Variants in JARID2 observed in about 807,000 individuals in gnomAD.
JARID2 encodes the protein protein Jumonji.
Under a neutral mutation model 125.6 loss-of-function variants are expected in JARID2, and 21 were observed. That is an observed-to-expected ratio of 0.17 (90% CI 0.12 to 0.24). The LOEUF is 0.24. JARID2 is among the 10% of genes least tolerant of loss of function. The pLI is 1.00. For missense variants in JARID2, 1,303 were observed against 1,639.6 expected (o/e 0.79, Z 3.55); for synonymous variants, 736 against 661.6 (o/e 1.11, Z -1.73).
At chr6:15,332,521 G>A (rs1762741763) in intron 1 of JARID2, among the ~76,000 whole-genome samples, 2 of 152,156 alleles carry the variant, frequency 1.3e-5, no homozygotes, top group Non-Finnish European at 2.9e-5. Context: ...TAACTTCCCT[G>A]TATTTCTGAA....
chr6:15,508,404 A>G lies in JARID2; in HGVS notation c.2796A>G (p.Gln932=). 1 of 1,611,748 alleles carries G rather than the reference A, an allele frequency of 6.2e-7. No individual in the cohort carries two copies. Among genetic ancestry groups the G allele is most frequent in the Non-Finnish European group, 8.5e-7 (1 of 1,177,738 alleles). Reference sequence around the variant, plus strand: ...CTACCTCATGCTGGTCTCGAGACCAAAATCACCTTCCATACATTGACTACT... The same window carrying G: ...CTACCTCATGCTGGTCTCGAGACCAGAATCACCTTCCATACATTGACTACT... ...VFSTSCWSRD[Q]NHLPYIDYLH... The change falls in exon 12 of 18, where the codon CAA becomes CAG. Residue 932 remains glutamine (Q), a synonymous_variant. Coordinates refer to ENST00000341776, the MANE Select transcript of JARID2 (RefSeq NM_004973.4).
At chr6:15,475,506 T>C (rs1769296410) in intron 5 of JARID2, among the ~76,000 whole-genome samples, 1 of 152,216 alleles carries the variant, frequency 6.6e-6, no homozygotes, top group Admixed American at 6.5e-5. Flanking sequence ...TTCTCTTGCA[T>C]AATCGCCTAC....
At chr6:15,291,085 A>G (rs1335444186) in intron 1 of JARID2, among the ~76,000 whole-genome samples, 2 of 152,200 alleles carry the variant, frequency 1.3e-5, no homozygotes, top group Non-Finnish European at 2.9e-5. Context: ...AATTAAAAAA[A>G]ATTAATCAGC....
chr6:15,508,875 A>G, intron 12 of JARID2: 1 of 977,344 alleles, frequency 1.0e-6, no homozygotes, highest in South Asian at 1.5e-5. Flanking sequence ...TAAAAGTGCC[A>G]CACAAAGCTA....
chr6:15,247,871 A>G, intron 1 of JARID2: 1 of 985,460 alleles, frequency 1.0e-6, no homozygotes, highest in African/African-American at 1.7e-5. Context: ...AGGGCTGGGT[A>G]GAATGCAAAG....
chr6:15,261,412 G>A (rs1378364168), intron 1 of JARID2, among the ~76,000 whole-genome samples: 2 of 150,388 alleles, frequency 1.3e-5, no homozygotes, highest in Non-Finnish European at 2.9e-5. Flanking sequence ...CTACCTCCCA[G>A]GTTCAAGCGC....
At chr6:15,421,440 T>C (rs918692067) in intron 3 of JARID2, among the ~76,000 whole-genome samples, 2 of 150,844 alleles carry the variant, frequency 1.3e-5, no homozygotes, top group Admixed American at 1.3e-4. Flanking sequence ...ACAGCGTAAG[T>C]AAGCCCTGAC....
chr6:15,271,845 T>C (rs1337862474), intron 1 of JARID2, among the ~76,000 whole-genome samples: 1 of 151,940 alleles, frequency 6.6e-6, no homozygotes, highest in Non-Finnish European at 1.5e-5. Context: ...ACTAAAAATA[T>C]AAAAAGTAGC....
At chr6:15,441,518 C>G (rs1767444440) in intron 3 of JARID2, among the ~76,000 whole-genome samples, 1 of 152,146 alleles carries the variant, frequency 6.6e-6, no homozygotes, top group Non-Finnish European at 1.5e-5. Context: ...GATCCCTTTT[C>G]TATTTGTTAC....
intron 6 of JARID2, among the ~76,000 whole-genome samples, chr6:15,489,943 T>A (rs1004115915): frequency 3.9e-5 from 6 of 152,220 alleles, no homozygotes; most frequent in Admixed American, 1.3e-4. Context: ...GGCTCCAGAT[T>A]CTAATTTGGC....
At chr6:15,506,563 T>C (rs921765893) in intron 9 of JARID2, among the ~76,000 whole-genome samples, 7 of 152,036 alleles carry the variant, frequency 4.6e-5, no homozygotes, top group Non-Finnish European at 1.0e-4. Flanking sequence ...GCTTCTGGAG[T>C]GATCACTGAG....
At chr6:15,403,664 G>C (rs1765530594) in intron 2 of JARID2, among the ~76,000 whole-genome samples, 1 of 152,102 alleles carries the variant, frequency 6.6e-6, no homozygotes, top group Non-Finnish European at 1.5e-5. Flanking sequence ...CACTGTGTCA[G>C]GTCTTAGTAT....
intron 2 of JARID2, among the ~76,000 whole-genome samples, chr6:15,401,317 G>T (rs1415772957): frequency 6.6e-6 from 1 of 152,186 alleles, no homozygotes; most frequent in South Asian, 2.1e-4. Context: ...AAAGCATTAA[G>T]CTCTGTTGAC....
chr6:15,478,845 C>CT (rs1421030603), intron 5 of JARID2, among the ~76,000 whole-genome samples: 1 of 151,814 alleles, frequency 6.6e-6, no homozygotes, highest in Non-Finnish European at 1.5e-5. Context: ...AATTTTTCTA[C>CT]TTTTAGTAGA....
rs1254789532 is a variant in JARID2 at position 15,496,312 on chromosome 6, A to G, written c.1087A>G (p.Asn363Asp). The change falls in exon 7 of 18, where the codon AAT becomes GAT. Residue 363 changes from asparagine to aspartate, a missense_variant. By Grantham distance (23) the Asn-to-Asp change is conservative. Transcript: ENST00000341776. The stretch of plus-strand genomic sequence containing the variant: ...AGAACTGGTCAAGGACACCAAACCC[A>G]ATCACCACAAGCCCAGTTCCGCTGT... ...KRELVKDTKP[N>D]HHKPSSAVNH... 2 of 1,614,210 alleles carry G rather than the reference A, an allele frequency of 1.2e-6. No homozygotes were observed. The highest frequency in any genetic ancestry group is 8.5e-7 in the Non-Finnish European group (1 of 1,180,044).
At chr6:15,407,116 G>C (rs1035238127) in intron 2 of JARID2, among the ~76,000 whole-genome samples, 1 of 152,028 alleles carries the variant, frequency 6.6e-6, no homozygotes, top group Non-Finnish European at 1.5e-5. Flanking sequence ...AAAAAAATTA[G>C]TGGGGCATGG....
chr6:15,319,368 C>CT (rs1278553529), intron 1 of JARID2, among the ~76,000 whole-genome samples: 1 of 152,074 alleles, frequency 6.6e-6, no homozygotes, highest in Non-Finnish European at 1.5e-5. Flanking sequence ...CATTTTGTGT[C>CT]TGAGTGACAT....
chr6:15,502,679 G>A (rs909713093), intron 8 of JARID2, among the ~76,000 whole-genome samples: 2 of 152,192 alleles, frequency 1.3e-5, no homozygotes, highest in South Asian at 2.1e-4. Flanking sequence ...CTGCAGACCC[G>A]CCTCAGGCTG....
intron 7 of JARID2, among the ~76,000 whole-genome samples, chr6:15,499,418 A>G (rs1406159569): frequency 6.6e-6 from 1 of 152,090 alleles, no homozygotes; most frequent in African/African-American, 2.4e-5. Context: ...GAATTCTTGC[A>G]AGCGCTGTGT....
Sources: gnomAD v4.1 joint callset for allele counts (sites outside exome capture counted in the v4.1 genomes callset) on GRCh38, gnomAD v4.1.1 for gene constraint, MANE v1.5 for transcripts, NCBI Gene and HGNC (gene_info 2026-07-23, HGNC 2026-07-21) for gene names.